Variants in IQSEC3 observed in about 807,000 individuals in gnomAD.
The protein encoded by IQSEC3 is IQ motif and SEC7 domain-containing protein 3.
A neutral mutation model predicts 105.4 loss-of-function variants in IQSEC3; 50 were observed. That is an observed-to-expected ratio of 0.47 (90% confidence interval 0.38 to 0.60). The LOEUF is 0.60. Ranked by LOEUF, IQSEC3 falls within the 20% of genes least tolerant of loss-of-function variation. IQSEC3 has a pLI of 0.00. For missense variants in IQSEC3, 1,415 were observed against 1,630.0 expected (o/e 0.87, Z 2.27); for synonymous variants, 708 against 746.0 (o/e 0.95, Z 0.83).
At chr12:135,702 G>T (rs75915173) in intron 3 of IQSEC3, among the ~76,000 whole-genome samples, 2,691 of 152,310 alleles carry the variant, frequency 0.018, 93 homozygotes, top group African/African-American at 0.061. Context: ...ACACTGTGCC[G>T]TTAGCCTTGA....
intron 1 of IQSEC3, among the ~76,000 whole-genome samples, chr12:86,928 G>A (rs372592453): frequency 2.4e-4 from 37 of 151,956 alleles, no homozygotes; most frequent in African/African-American, 7.0e-4. Flanking sequence ...ACAGCTCTCC[G>A]TGAAATTGTG....
At chr12:108,637 G>A (rs1259820908) in intron 2 of IQSEC3, among the ~76,000 whole-genome samples, 3 of 152,224 alleles carry the variant, frequency 2.0e-5, no homozygotes, top group Admixed American at 6.5e-5. Context: ...GAAACTGACT[G>A]GAGTTCATTT....
intron 5 of IQSEC3, 100 bp from the exon 6 acceptor site, chr12:156,925 C>A: frequency 7.3e-7 from 1 of 1,371,130 alleles, no homozygotes; most frequent in Non-Finnish European, 9.6e-7. Context: ...GCCTGAGGGG[C>A]CCTGCACCTG....
chr12:113,888 G>A (rs1466646577), intron 2 of IQSEC3, among the ~76,000 whole-genome samples: 1 of 152,232 alleles, frequency 6.6e-6, no homozygotes, highest in Non-Finnish European at 1.5e-5. Flanking sequence ...GAGTTCCCTG[G>A]ACTAGAAGAT....
At chr12:163,410 T>C in intron 8 of IQSEC3, 84 bp from the exon 9 acceptor site, 1 of 1,299,590 alleles carries the variant, frequency 7.7e-7, no homozygotes, top group Non-Finnish European at 1.0e-6. Context: ...TCCCGGGCTG[T>C]CTCCTCTTCT....
At chr12:99,282 C>G in intron 2 of IQSEC3, 68 bp downstream of exon 2, 1 of 1,418,804 alleles carries the variant, frequency 7.0e-7, no homozygotes, top group Non-Finnish European at 9.7e-7. Context: ...AAGCACGTAC[C>G]ACTGCACTAG....
chr12:89,807 A>G (rs1864025768), intron 1 of IQSEC3, among the ~76,000 whole-genome samples: 1 of 152,214 alleles, frequency 6.6e-6, no homozygotes, highest in Non-Finnish European at 1.5e-5. Flanking sequence ...ATAGTATTAC[A>G]TTGAATGGAC....
chr12:87,582 G>C (rs1188018794), intron 1 of IQSEC3, among the ~76,000 whole-genome samples: 2 of 152,180 alleles, frequency 1.3e-5, no homozygotes, highest in Non-Finnish European at 2.9e-5. Flanking sequence ...CACACAAGCA[G>C]ACAACTCTTT....
rs536518197 is a variant in IQSEC3 at position 127,801 on chromosome 12, C to T, written c.903+1889C>T. ...AGCCCTTTGTCAGATGAGTAGGTTG[C>T]GAAAATTTTCTCCCATTTTGTAGGT... On this transcript the variant is annotated intron_variant, in intron 3 of 13. Transcript: ENST00000538872. Among the ~76,000 whole-genome samples, 6 of 152,168 alleles carry T rather than the reference C, an allele frequency of 3.9e-5. No homozygotes were observed. The South Asian group carries it at 8.3e-4, about 21-fold the overall frequency.
At chr12:103,700 CA>C in intron 2 of IQSEC3, among the ~76,000 whole-genome samples, 1 of 8,220 alleles carries the variant, frequency 1.2e-4, no homozygotes, top group Non-Finnish European at 1.9e-4. Flanking sequence ...GGTGGGGGCT[CA>C]GGAGGGGAGG....
chr12:123,169 C>T lies in IQSEC3; in HGVS notation c.624-2464C>T, dbSNP rs577716637. 3.5e-4 allele frequency among the ~76,000 whole-genome samples: 53 copies of T among 152,282 alleles called. No individual in the cohort carries two copies. In the East Asian group the frequency reaches 8.1e-3, roughly 23 times the overall value. ...CCTGCAATCCCAGCACTTTGGGAGG[C>T]TGAGAAGGGACAATCATTCGAGCCC... On this transcript the variant is annotated intron_variant, in intron 2 of 13. Coordinates refer to ENST00000538872, the MANE Select transcript of IQSEC3 (RefSeq NM_001170738.2).
Position 157,593 on chromosome 12 carries a change from T to C in IQSEC3, c.2342T>C (p.Ile781Thr). Residue 781 changes from isoleucine to threonine, a missense_variant, in exon 7 of 14, where the codon ATC becomes ACC. This residue lies in a region of IQSEC3 where 213 missense variants were observed against 306.2 expected (regional missense o/e 0.70). Coordinates refer to ENST00000538872, the MANE Select transcript of IQSEC3 (RefSeq NM_001170738.2). ...TTCCACAACCCCGACACCATCTTCA[T>C]CCTCGCCTTCGCCATCATCCTCCTC... ...QQFHNPDTIF[I>T]LAFAIILLNT... 1 of 1,614,182 alleles carries C rather than the reference T, an allele frequency of 6.2e-7. No individual in the cohort carries two copies. The highest frequency in any genetic ancestry group is 8.5e-7 in the Non-Finnish European group (1 of 1,180,034).
At chr12:155,392 A>G (rs946738958) in intron 5 of IQSEC3, among the ~76,000 whole-genome samples, 1 of 152,202 alleles carries the variant, frequency 6.6e-6, no homozygotes, top group African/African-American at 2.4e-5. Context: ...GACAACTCAT[A>G]GCCTGAAGAT....
intron 1 of IQSEC3, among the ~76,000 whole-genome samples, chr12:69,124 C>A (rs1167342535): frequency 1.3e-5 from 2 of 152,220 alleles, no homozygotes; most frequent in African/African-American, 4.8e-5. Flanking sequence ...AGTCCCCTTC[C>A]CTGAGGGCAG....
rs1316812807 is a variant in IQSEC3 at position 176,103 on chromosome 12, T to G, written c.*1070T>G. On this transcript the variant is annotated 3_prime_UTR_variant, in exon 14 of 14. Transcript: ENST00000538872. This position sits in a 1 kb window ranked among gnomAD's most constrained non-coding sequence, Gnocchi z 4.0. The stretch of plus-strand genomic sequence containing the variant: ...GCTCCAGAGGCATGTGCATTTCCCC[T>G]GCGCCCCTCAGCCTTTAAATATTCC... The G allele has an allele frequency of 6.6e-6, 1 of 152,172 alleles. No homozygotes were observed. The highest frequency in any genetic ancestry group is 1.9e-4 in the East Asian group (1 of 5,182). 9.4% of individuals were successfully genotyped at this position (152,172 alleles called of 1,614,324 possible).
In IQSEC3 at chr12:138,551, C is replaced by T. The variant is rs782772068; in HGVS notation, c.1188C>T (p.Thr396=). ...SLPPTFAGTL[T]ELEDSFTEQV... Reference sequence around the variant, plus strand: ...CGCCCACCTTCGCAGGCACCCTCACCGAGCTGGAGGACTCCTTCACCGAGC... The same window carrying T: ...CGCCCACCTTCGCAGGCACCCTCACTGAGCTGGAGGACTCCTTCACCGAGC... Residue 396 remains threonine, a synonymous_variant, in exon 4 of 14, where the codon ACC becomes ACT. Coordinates refer to ENST00000538872, the MANE Select transcript of IQSEC3 (RefSeq NM_001170738.2). The surrounding 1 kb of genome is among the most constrained non-coding windows in gnomAD (Gnocchi z 7.1). 9 of 1,581,568 alleles carry T rather than the reference C, an allele frequency of 5.7e-6. No individual in the cohort carries two copies. The highest frequency in any genetic ancestry group is 2.3e-5 in the East Asian group (1 of 43,366).
chr12:98,583 C>T (rs1555075276), intron 1 of IQSEC3, among the ~76,000 whole-genome samples: 1 of 152,198 alleles, frequency 6.6e-6, no homozygotes, highest in Admixed American at 6.5e-5. Flanking sequence ...CAGATCCCTG[C>T]CTTCTGCGTT....
chr12:122,069 T>C (rs782745191), intron 2 of IQSEC3, among the ~76,000 whole-genome samples: 7 of 152,328 alleles, frequency 4.6e-5, no homozygotes, highest in Non-Finnish European at 8.8e-5. Context: ...CACGGTCTTC[T>C]AGGTAAGTCT....
chr12:141,604 G>GGCTT (rs1319189882), intron 5 of IQSEC3: 3 of 312,582 alleles, frequency 9.6e-6, no homozygotes, highest in African/African-American at 2.1e-5. Flanking sequence ...AAAAGGAAAG[G>GGCTT]GCTTGTGTCA....
Sources: allele counts gnomAD v4.1 joint callset (sites outside exome capture counted in the v4.1 genomes callset), GRCh38; gene constraint gnomAD v4.1.1; regional missense constraint gnomAD v4.1.1; non-coding constraint Gnocchi (gnomAD v3.1); transcripts MANE v1.5; gene names NCBI Gene and HGNC (gene_info 2026-07-23, HGNC 2026-07-21).